The following ATP11A variants were observed in gnomAD, a reference collection of about 807,000 sequenced individuals.
ATP11A encodes the protein ATPase phospholipid transporting 11A, also known as phospholipid-transporting ATPase IH.
ATP11A carries 81 observed loss-of-function variants against 154.4 expected under a neutral mutation model. The observed-to-expected ratio is 0.52, with a 90% CI of 0.44 to 0.63. The LOEUF (loss-of-function observed/expected upper bound fraction) is 0.63. ATP11A is among the 30% of genes least tolerant of loss of function. The probability of loss-of-function intolerance (pLI) is 0.00; values close to 1 mark genes in which losing one functional copy is unlikely to be tolerated. For synonymous variants in ATP11A, 623 were observed against 585.9 expected, an observed-to-expected ratio of 1.06 and a Z score of -0.91; for missense variants, 1,316 against 1,474.3, an observed-to-expected ratio of 0.89 and a Z score of 1.76.
chr13:112,866,385 A>G (rs968688355), intron 25 of ATP11A, among the ~76,000 whole-genome samples: 1 of 152,006 alleles, frequency 6.6e-6, no homozygotes, highest in African/African-American at 2.4e-5. Flanking sequence ...CTCGGTTGCC[A>G]TGTCAGGGTG....
chr13:112,781,489 G>T (rs2077497495), intron 1 of ATP11A, among the ~76,000 whole-genome samples: 1 of 152,256 alleles, frequency 6.6e-6, no homozygotes, highest in Non-Finnish European at 1.5e-5. Context: ...GGGCTGGGAG[G>T]ACCACGAAGG....
intron 4 of ATP11A, among the ~76,000 whole-genome samples, chr13:112,809,107 C>G (rs1055999246): frequency 1.3e-5 from 2 of 152,168 alleles, no homozygotes; most frequent in Non-Finnish European, 2.9e-5. Context: ...GTCTGTGGGC[C>G]CCTGGTGCCT....
At chr13:112,719,304 A>G (rs1888876774) in intron 1 of ATP11A, among the ~76,000 whole-genome samples, 1 of 152,374 alleles carries the variant, frequency 6.6e-6, no homozygotes, top group Non-Finnish European at 1.5e-5. Flanking sequence ...GCAAGTCAAT[A>G]TAAAAAGACT....
chr13:112,716,806 G>C (rs1317137647), intron 1 of ATP11A, among the ~76,000 whole-genome samples: 1 of 152,210 alleles, frequency 6.6e-6, no homozygotes, highest in Non-Finnish European at 1.5e-5. Context: ...GTGGGGTGTG[G>C]GTAGGTCGGG....
chr13:112,758,547 C>A (rs2076895665), intron 1 of ATP11A, among the ~76,000 whole-genome samples: 1 of 151,984 alleles, frequency 6.6e-6, no homozygotes, highest in Non-Finnish European at 1.5e-5. Context: ...CCTCAGCCTC[C>A]CGAGTAGCTG....
intron 1 of ATP11A, among the ~76,000 whole-genome samples, chr13:112,718,111 C>A (rs191686496): frequency 9.9e-5 from 15 of 152,234 alleles, no homozygotes; most frequent in Admixed American, 2.0e-4. Flanking sequence ...ATTGCCACCG[C>A]CCCCTGCCCC....
chr13:112,885,068 CCTA>C lies in ATP11A; in HGVS notation c.*3204_*3206del, dbSNP rs1362899487. 1 of 150,988 alleles carries C rather than the reference CCTA, an allele frequency of 6.6e-6. No homozygotes were observed. Among genetic ancestry groups the C allele is most frequent in the Non-Finnish European group, 1.5e-5 (1 of 68,036 alleles). 9.4% of individuals were successfully genotyped at this position (150,988 alleles called of 1,614,324 possible). ...ACAAACGTGTACACAAGTGTGAGCTCCTACACGCATACACACACACACGTGTAC... is the reference window on the plus strand; with the variant it reads ...ACAAACGTGTACACAAGTGTGAGCTCCACGCATACACACACACACGTGTAC... On this transcript the variant is annotated 3_prime_UTR_variant, in exon 30 of 30. Coordinates refer to ENST00000375645, the MANE Select transcript of ATP11A (RefSeq NM_015205.3).
intron 12 of ATP11A, among the ~76,000 whole-genome samples, chr13:112,828,831 T>C (rs2079016337): frequency 6.6e-6 from 1 of 152,242 alleles, no homozygotes; most frequent in African/African-American, 2.4e-5. Context: ...CAGGTTCATC[T>C]GACCGCAGCT....
intron 1 of ATP11A, among the ~76,000 whole-genome samples, chr13:112,783,516 C>A (rs1166056411): frequency 6.6e-6 from 1 of 152,232 alleles, no homozygotes; most frequent in African/African-American, 2.4e-5. Flanking sequence ...CGAGGAGTGG[C>A]CCAGCAGCCA....
intron 1 of ATP11A, among the ~76,000 whole-genome samples, chr13:112,761,991 G>A (rs1566441927): frequency 6.6e-6 from 1 of 152,180 alleles, no homozygotes; most frequent in Non-Finnish European, 1.5e-5. Context: ...CCTCCCTACT[G>A]GAGTCAACTG....
intron 1 of ATP11A, among the ~76,000 whole-genome samples, chr13:112,778,442 A>G (rs546010142): frequency 1.3e-5 from 2 of 152,368 alleles, no homozygotes; most frequent in East Asian, 3.9e-4. Context: ...AATACATTCT[A>G]AGTTGAGGTA....
chr13:112,883,506 A>G lies in ATP11A; in HGVS notation c.*1640A>G, dbSNP rs774371404. ...AGAGGGTGTTTCCGAGGTGCTCGAC[A>G]GTAGGTATTTTTGGAAGCTCAGATT... is the stretch of plus-strand genomic sequence containing the variant. On this transcript the variant is annotated 3_prime_UTR_variant, in exon 30 of 30. Transcript: ENST00000375645. 1 of 292,082 alleles carries G rather than the reference A, an allele frequency of 3.4e-6. No homozygotes were observed. Among genetic ancestry groups the G allele is most frequent in the South Asian group, 1.6e-4 (1 of 6,092 alleles). 18.1% of individuals were successfully genotyped at this position (292,082 alleles called of 1,614,324 possible).
chr13:112,855,853 T>A (rs2079905853), intron 19 of ATP11A, 58 bp from the exon 20 acceptor site: 1 of 1,487,858 alleles, frequency 6.7e-7, no homozygotes, highest in Admixed American at 2.2e-5. Flanking sequence ...CAATACAGTC[T>A]TCTAAAATCT....
chr13:112,748,714 C>T (rs181091366), intron 1 of ATP11A, among the ~76,000 whole-genome samples: 126 of 152,186 alleles, frequency 8.3e-4, no homozygotes, highest in African/African-American at 2.9e-3. Context: ...CCTGTTAATC[C>T]GAAATAAGCA....
At chr13:112,821,400 A>C (rs1438496240) in intron 8 of ATP11A, among the ~76,000 whole-genome samples, 1 of 151,930 alleles carries the variant, frequency 6.6e-6, no homozygotes, top group East Asian at 1.9e-4. Flanking sequence ...TGCAGCCTCC[A>C]CCTCCCGGGT....
intron 1 of ATP11A, among the ~76,000 whole-genome samples, chr13:112,768,893 C>G (rs893302506): frequency 2.0e-5 from 3 of 152,234 alleles, no homozygotes; most frequent in African/African-American, 7.2e-5. Context: ...GCTGCTCATT[C>G]TCATGCTGGG....
chr13:112,781,448 G>A lies in ATP11A; in HGVS notation c.40-3687G>A, dbSNP rs535831031. 1.6e-4 allele frequency among the ~76,000 whole-genome samples: 24 copies of A among 152,278 alleles called. No individual in the cohort carries two copies. In the East Asian group the frequency reaches 3.9e-3, roughly 24 times the overall value. ...GATTGAGGCTCCTGAGTTTGTTTTC[G>A]TTGCTAACTGTACAGAGAACCAGAA... is the stretch of plus-strand genomic sequence containing the variant. On this transcript the variant is annotated intron_variant, in intron 1 of 29. Transcript: ENST00000375645.
intron 1 of ATP11A, among the ~76,000 whole-genome samples, chr13:112,757,771 C>A (rs545260252): frequency 6.6e-6 from 1 of 152,244 alleles, no homozygotes; most frequent in African/African-American, 2.4e-5. Flanking sequence ...TTTAAAAATA[C>A]CTACTCAAAA....
intron 3 of ATP11A, 145 bp downstream of exon 3, chr13:112,805,191 AGGGCAAAATGTCT>A: frequency 6.3e-6 from 3 of 479,558 alleles, no homozygotes; most frequent in South Asian, 6.8e-5. Flanking sequence ...TTCTTAAGGA[AGGGCAAAATGTCT>A]TGGTTCTGTG....
Sources: gnomAD v4.1 joint callset for allele counts (sites outside exome capture counted in the v4.1 genomes callset) on GRCh38, gnomAD v4.1.1 for gene constraint, MANE v1.5 for transcripts, NCBI Gene and HGNC (gene_info 2026-07-23, HGNC 2026-07-21) for gene names.